HAUS6: variants seen among roughly 807,000 people sequenced by gnomAD.
The protein encoded by HAUS6 is HAUS augmin-like complex subunit 6.
Under a neutral mutation model 106.8 loss-of-function variants are expected in HAUS6, and 80 were observed. That is an observed-to-expected ratio of 0.75 (90% confidence interval 0.63 to 0.90). The LOEUF (loss-of-function observed/expected upper bound fraction) is 0.90. HAUS6 is among the 40% of genes least tolerant of loss of function. The pLI is 0.00. For missense variants in HAUS6, 1,155 were observed against 1,118.1 expected, an observed-to-expected ratio of 1.03 and a Z score of -0.47; for synonymous variants, 356 against 379.1, an observed-to-expected ratio of 0.94 and a Z score of 0.71.
chr9:19,078,915 G>A (rs1366075932), intron 9 of HAUS6, among the ~76,000 whole-genome samples: 4 of 149,292 alleles, frequency 2.7e-5, no homozygotes, highest in Non-Finnish European at 5.9e-5. Context: ...AGAACTTTGG[G>A]AGGCTGAGGC....
chr9:19,069,850 C>T (rs532321901), intron 12 of HAUS6, among the ~76,000 whole-genome samples: 10 of 152,192 alleles, frequency 6.6e-5, no homozygotes, highest in Non-Finnish European at 1.5e-4. Context: ...AATCCCAGCA[C>T]TTTGGGAGGC....
At chr9:19,080,295 C>T (rs1432542163) in intron 9 of HAUS6, among the ~76,000 whole-genome samples, 184 bp downstream of exon 9, 1 of 151,590 alleles carries the variant, frequency 6.6e-6, no homozygotes, top group Non-Finnish European at 1.5e-5. Context: ...ATCATTTATT[C>T]CATTAATTTT....
At chr9:19,084,603 T>C (rs1564016884) in intron 7 of HAUS6, among the ~76,000 whole-genome samples, 2 of 151,880 alleles carry the variant, frequency 1.3e-5, no homozygotes, top group African/African-American at 2.4e-5. Flanking sequence ...CAATATTAAA[T>C]ATCTCTAATT....
At chr9:19,064,029 G>A (rs868645169) in intron 12 of HAUS6, among the ~76,000 whole-genome samples, 10 of 150,548 alleles carry the variant, frequency 6.6e-5, no homozygotes, top group Middle Eastern at 3.4e-3. Context: ...GTGCAATGGC[G>A]CGATCTTGGC....
chr9:19,076,315 C>T lies in HAUS6; in HGVS notation c.1294+287G>A, dbSNP rs117052613. On this transcript the variant is annotated intron_variant, in intron 11 of 16. Coordinates refer to ENST00000380502, the MANE Select transcript of HAUS6 (RefSeq NM_017645.5). ...GCTACAGTGAGCTGAGATTGTTCGA[C>T]TGCACTCCAGCTTGGGCAACAAAGT... Among the ~76,000 whole-genome samples, 71 of 152,068 alleles carry T rather than the reference C, an allele frequency of 4.7e-4. No individual in the cohort carries two copies. In the East Asian group the frequency reaches 0.012, roughly 25 times the overall value.
Position 19,060,233 on chromosome 9 carries a change from A to C in HAUS6, c.1630-10T>G. On this transcript the variant is annotated splice_polypyrimidine_tract_variant and intron_variant, in intron 14 of 16. Transcript: ENST00000380502. ...AAACTGCTCTGGCAACCTAAAACAG[A>C]AAAGAAAAAGTAAAGCAAAGATTAC... is the stretch of plus-strand genomic sequence containing the variant. The C allele has an allele frequency of 1.3e-6, 2 of 1,519,014 alleles. No homozygotes were observed. The highest frequency in any genetic ancestry group is 1.8e-6 in the Non-Finnish European group (2 of 1,137,594). The allele number at this position is 1,519,014 out of a possible 1,614,324, so 94.1% of individuals were successfully genotyped here. A position where few individuals can be genotyped will look rare whatever the true frequency, so the allele number is the denominator to read the frequency against.
At chr9:19,065,364 A>G (rs1170971394) in intron 12 of HAUS6, among the ~76,000 whole-genome samples, 1 of 152,234 alleles carries the variant, frequency 6.6e-6, no homozygotes, top group African/African-American at 2.4e-5. Context: ...ATCCTAAGGG[A>G]AGAACAGAGA....
At chr9:19,070,964 T>A (rs1009920476) in intron 11 of HAUS6, among the ~76,000 whole-genome samples, 5 of 152,150 alleles carry the variant, frequency 3.3e-5, no homozygotes, top group Non-Finnish European at 5.9e-5. Flanking sequence ...ACAGGGTACA[T>A]CCAGTGGAAG....
chr9:19,096,447 C>A (rs1342028597), intron 2 of HAUS6, among the ~76,000 whole-genome samples: 1 of 151,496 alleles, frequency 6.6e-6, no homozygotes. Context: ...CACCTATAAT[C>A]CCAGCTACTC....
chr9:19,069,497 T>G (rs1588604513), intron 12 of HAUS6, among the ~76,000 whole-genome samples: 2 of 152,100 alleles, frequency 1.3e-5, no homozygotes, highest in East Asian at 3.9e-4. Context: ...GAGACCAGCC[T>G]GGCCAACATG....
chr9:19,076,739 A>T (rs748281343), intron 10 of HAUS6, 35 bp from the exon 11 acceptor site: 1 of 917,900 alleles, frequency 1.1e-6, no homozygotes, highest in Non-Finnish European at 1.8e-6. Flanking sequence ...TGAAGTAAAC[A>T]TATTTGCTAA....
intron 12 of HAUS6, among the ~76,000 whole-genome samples, chr9:19,068,573 T>C (rs903725833): frequency 1.3e-5 from 2 of 152,216 alleles, no homozygotes; most frequent in Non-Finnish European, 1.5e-5. Context: ...ATTAACTTAC[T>C]AAGATGGCAT....
chr9:19,085,883 C>A (rs1018384887), intron 7 of HAUS6, among the ~76,000 whole-genome samples: 17 of 151,862 alleles, frequency 1.1e-4, no homozygotes, highest in Non-Finnish European at 2.2e-4. Flanking sequence ...TGTCTAAAAA[C>A]CCTTTTGAAT....
intron 2 of HAUS6, among the ~76,000 whole-genome samples, chr9:19,095,602 T>C (rs1172010763): frequency 1.3e-5 from 2 of 152,134 alleles, no homozygotes; most frequent in African/African-American, 4.8e-5. Flanking sequence ...ACATACCTAT[T>C]ATCCTGCATA....
intron 1 of HAUS6, among the ~76,000 whole-genome samples, chr9:19,098,714 A>G (rs6415731): frequency 0.84 from 128,360 of 151,970 alleles, 54,464 homozygotes; most frequent in African/African-American, 0.92. Context: ...TGAGTCATAC[A>G]TTATGTTTAA....
At chr9:19,071,989 A>C (rs1278240227) in intron 11 of HAUS6, among the ~76,000 whole-genome samples, 1 of 152,112 alleles carries the variant, frequency 6.6e-6, no homozygotes, top group Non-Finnish European at 1.5e-5. Flanking sequence ...GGATCACCTA[A>C]GGTCAGGAGT....
At chr9:19,083,389 C>T (rs968431603) in intron 7 of HAUS6, among the ~76,000 whole-genome samples, 13 of 152,022 alleles carry the variant, frequency 8.6e-5, no homozygotes, top group African/African-American at 1.4e-4. Context: ...ACTACAGGCA[C>T]GCACCACTGC....
intron 4 of HAUS6, among the ~76,000 whole-genome samples, chr9:19,092,820 G>A (rs1050367291): frequency 6.7e-6 from 1 of 150,228 alleles, no homozygotes; most frequent in African/African-American, 2.5e-5. Flanking sequence ...AGCTACTCAG[G>A]AGGCTGAGGC....
intron 10 of HAUS6, among the ~76,000 whole-genome samples, 179 bp downstream of exon 10, chr9:19,077,997 G>C (rs1304211614): frequency 6.6e-6 from 1 of 151,800 alleles, no homozygotes; most frequent in Non-Finnish European, 1.5e-5. Flanking sequence ...GAAGTTCAAG[G>C]TTACAACAAG....
Sources: allele counts gnomAD v4.1 joint callset (sites outside exome capture counted in the v4.1 genomes callset), GRCh38; gene constraint gnomAD v4.1.1; transcripts MANE v1.5; gene names NCBI Gene and HGNC (gene_info 2026-07-23, HGNC 2026-07-21).